THSD7B: variants seen among roughly 807,000 people sequenced by gnomAD.
The protein encoded by THSD7B is thrombospondin type 1 domain containing 7B, also known as thrombospondin type-1 domain-containing protein 7B.
THSD7B carries 138 observed loss-of-function variants against 213.6 expected under a neutral mutation model. The observed-to-expected ratio is 0.65, with a 90% CI of 0.56 to 0.74. The LOEUF is 0.74. Ranked by LOEUF, THSD7B falls within the 30% of genes least tolerant of loss-of-function variation. The pLI is 0.00. For missense variants in THSD7B, 1,931 were observed against 1,991.5 expected, an observed-to-expected ratio of 0.97 and a Z score of 0.58; for synonymous variants, 742 against 687.0, an observed-to-expected ratio of 1.08 and a Z score of -1.25.
At chr2:137,489,381 A>C (rs1688554786) in intron 15 of THSD7B, among the ~76,000 whole-genome samples, 1 of 151,646 alleles carries the variant, frequency 6.6e-6, no homozygotes, top group Non-Finnish European at 1.5e-5. Flanking sequence ...CCAAGATCGC[A>C]CCATGGCACT....
At chr2:137,425,102 A>AATG (rs973247330) in intron 14 of THSD7B, among the ~76,000 whole-genome samples, 17 of 147,676 alleles carry the variant, frequency 1.2e-4, no homozygotes, top group Non-Finnish European at 1.9e-4. Context: ...TAATAATGAT[A>AATG]ATAATAATAA....
At chr2:137,570,425 T>C (rs927432563) in intron 16 of THSD7B, among the ~76,000 whole-genome samples, 1 of 151,978 alleles carries the variant, frequency 6.6e-6, no homozygotes, top group African/African-American at 2.4e-5. Flanking sequence ...TCTCCTGCCT[T>C]AGCCTCCCGA....
chr2:137,390,841 T>A (rs1215405387), intron 12 of THSD7B, among the ~76,000 whole-genome samples: 1 of 152,212 alleles, frequency 6.6e-6, no homozygotes, highest in African/African-American at 2.4e-5. Context: ...TTTGTTGATT[T>A]GCATATGTTG....
intron 12 of THSD7B, among the ~76,000 whole-genome samples, chr2:137,297,760 T>G (rs979489532): frequency 6.6e-6 from 1 of 152,080 alleles, no homozygotes; most frequent in Non-Finnish European, 1.5e-5. Flanking sequence ...TACCAGGGGT[T>G]TCAGCTGTTG....
intron 17 of THSD7B, among the ~76,000 whole-genome samples, chr2:137,612,466 A>G (rs971635874): frequency 6.6e-6 from 1 of 152,224 alleles, no homozygotes; most frequent in Non-Finnish European, 1.5e-5. Context: ...GAAGTGTCAC[A>G]TAAGACCTCC....
intron 15 of THSD7B, among the ~76,000 whole-genome samples, chr2:137,469,872 G>A (rs1869324): frequency 0.077 from 11,776 of 152,192 alleles, 682 homozygotes; most frequent in Non-Finnish European, 0.12. Context: ...CTATGATGGG[G>A]AAGTGAGAAG....
At chr2:136,936,109 A>G (rs540175072) in intron 2 of THSD7B, among the ~76,000 whole-genome samples, 20 of 152,068 alleles carry the variant, frequency 1.3e-4, no homozygotes, top group African/African-American at 4.3e-4. Flanking sequence ...GCAAATCAAA[A>G]TCACAGTGCA....
chr2:137,149,580 G>T (rs1055587972), intron 5 of THSD7B, among the ~76,000 whole-genome samples: 2 of 152,210 alleles, frequency 1.3e-5, no homozygotes, highest in African/African-American at 2.4e-5. Flanking sequence ...CAAAGTCACA[G>T]GGGTGGAGCT....
At chr2:137,524,926 AT>A (rs1268880806) in intron 15 of THSD7B, among the ~76,000 whole-genome samples, 1 of 152,038 alleles carries the variant, frequency 6.6e-6, no homozygotes, top group Non-Finnish European at 1.5e-5. Flanking sequence ...ATTGCTTGGC[AT>A]TTTGCTATTC....
chr2:137,523,958 ATTTTATATAAAAGTAGTTT>A (rs1349592190), intron 15 of THSD7B, among the ~76,000 whole-genome samples: 2 of 152,196 alleles, frequency 1.3e-5, no homozygotes, highest in African/African-American at 4.8e-5. Context: ...AGGGGATTTA[ATTTTATATAAAAGTAGTTT>A]AATGGATTTT....
chr2:136,861,007 C>T (rs966649992), intron 1 of THSD7B, among the ~76,000 whole-genome samples: 4 of 152,220 alleles, frequency 2.6e-5, no homozygotes, highest in African/African-American at 9.6e-5. Flanking sequence ...TAGCTCACTT[C>T]TAATCTGTTT....
rs376949671 is a variant in THSD7B at position 136,832,175 on chromosome 2, TTG to T, written c.-35-49943_-35-49942del. Among the ~76,000 whole-genome samples the T allele has an allele frequency of 8.2e-3, 595 of 72,946 alleles. 3 individuals are homozygous for T. The highest frequency in any genetic ancestry group is 0.024 in the African/African-American group (539 of 22,202). 47.9% of individuals were successfully genotyped at this position (72,946 alleles called of 152,430 possible). The stretch of plus-strand genomic sequence containing the variant: ...CAGAATCAATAGGATATACATCCTA[TTG>T]TGTGTGTGTGTGTGTGTGTGTGTGT... On this transcript the variant is annotated intron_variant, in intron 1 of 27. Coordinates refer to ENST00000409968, the MANE Select transcript of THSD7B (RefSeq NM_001316349.2).
chr2:137,211,729 G>C (rs932533729), intron 7 of THSD7B, among the ~76,000 whole-genome samples: 2 of 148,116 alleles, frequency 1.4e-5, no homozygotes, highest in African/African-American at 2.4e-5. Context: ...TTGATAAACA[G>C]TTAAGTGTTC....
At chr2:136,827,831 T>C (rs1015826416) in intron 1 of THSD7B, among the ~76,000 whole-genome samples, 3 of 151,792 alleles carry the variant, frequency 2.0e-5, no homozygotes, top group Non-Finnish European at 4.4e-5. Flanking sequence ...TTAAGGAGAA[T>C]AAAAGAAGCA....
At chr2:136,991,084 T>C (rs1685773325) in intron 2 of THSD7B, 1 of 573,842 alleles carries the variant, frequency 1.7e-6, no homozygotes, top group South Asian at 1.8e-5. Flanking sequence ...TGAAGTTCAA[T>C]AGAAAGGCTG....
chr2:136,929,516 T>G (rs981687081), intron 2 of THSD7B, among the ~76,000 whole-genome samples: 6 of 152,188 alleles, frequency 3.9e-5, no homozygotes, highest in African/African-American at 1.4e-4. Context: ...CATTCATAAG[T>G]TAAAACAAAA....
At chr2:137,500,410 C>A (rs561479390) in intron 15 of THSD7B, among the ~76,000 whole-genome samples, 1 of 152,234 alleles carries the variant, frequency 6.6e-6, no homozygotes, top group African/African-American at 2.4e-5. Flanking sequence ...GGCTAACGGC[C>A]CTGCTGTCAT....
chr2:137,410,948 T>A (rs1686638842), intron 13 of THSD7B, among the ~76,000 whole-genome samples: 1 of 152,226 alleles, frequency 6.6e-6, no homozygotes, highest in Non-Finnish European at 1.5e-5. Context: ...AAAATGACAC[T>A]GCATTGTCTT....
At chr2:137,359,717 T>A (rs947433492) in intron 12 of THSD7B, among the ~76,000 whole-genome samples, 7 of 152,180 alleles carry the variant, frequency 4.6e-5, no homozygotes, top group African/African-American at 1.7e-4. Context: ...ACTTCTAGGA[T>A]AACACATCAC....
Sources: allele counts gnomAD v4.1 joint callset (sites outside exome capture counted in the v4.1 genomes callset), GRCh38; gene constraint gnomAD v4.1.1; transcripts MANE v1.5; gene names NCBI Gene and HGNC (gene_info 2026-07-23, HGNC 2026-07-21).